Variants in TAF1C observed in about 807,000 individuals in gnomAD.
TAF1C encodes TATA box-binding protein-associated factor RNA polymerase I subunit C.
In TAF1C, 79 loss-of-function variants were observed where a neutral mutation model predicts 70.5. That is an observed-to-expected ratio of 1.12 (90% confidence interval 0.93 to 1.35). TAF1C has a LOEUF of 1.35. TAF1C is among the 40% of genes most tolerant of loss of function. The pLI is 0.00. For synonymous variants in TAF1C, 614 were observed against 491.1 expected (o/e 1.25, Z -3.31); for missense variants, 1,412 against 1,127.8 (o/e 1.25, Z -3.61).
chr16:84,180,810 C>G (rs753771522), intron 12 of TAF1C: 28 of 1,368,270 alleles, frequency 2.0e-5, no homozygotes, highest in Middle Eastern at 2.7e-4. Context: ...CTGCTCCACC[C>G]CTGGCTGCAC....
At chr16:84,181,563 G>A in intron 10 of TAF1C, 29 bp downstream of exon 10, 1 of 1,613,960 alleles carries the variant, frequency 6.2e-7, no homozygotes, top group Non-Finnish European at 8.5e-7. Context: ...GTTCGTTAGG[G>A]TGGGGGGTTT....
rs567616693 is a variant in TAF1C at position 84,182,790 on chromosome 16, G to A, written c.482+286C>T. On this transcript the variant is annotated intron_variant, in intron 6 of 14. Coordinates refer to ENST00000566732, the MANE Select transcript of TAF1C (RefSeq NM_001243156.2). This position sits in a 1 kb window ranked among gnomAD's most constrained non-coding sequence, Gnocchi z 5.0. ...GCTACCTAGAGACAGCCTGTCTAGG[G>A]AACTGTGCAGGGAGAGGCAAGTGGA... 1.3e-5 allele frequency among the ~76,000 whole-genome samples: 2 copies of A among 152,336 alleles called. No individual in the cohort carries two copies. The highest frequency in any genetic ancestry group is 4.8e-5 in the African/African-American group (2 of 41,574).
rs4150145 is a variant in TAF1C, at chr16:84,181,869, G to A, written c.839-6C>T. 3.3e-3 allele frequency: 5,393 copies of A among 1,614,202 alleles called. 13 individuals carry two copies. Among genetic ancestry groups the A allele is most frequent in the Middle Eastern group, 4.1e-3 (25 of 6,062 alleles). On this transcript the variant is annotated splice_polypyrimidine_tract_variant and splice_region_variant and intron_variant, in intron 8 of 14. Coordinates refer to ENST00000566732, the MANE Select transcript of TAF1C (RefSeq NM_001243156.2). ...AGAGCGGACGGCCAGCAGAGCTGAG[G>A]AGGGATGGAAAGGGCCAGGGGTCAG...
rs186382482 is a variant in TAF1C, at chr16:84,179,928, C to T, written c.1621+18G>A. On this transcript the variant is annotated intron_variant, in intron 14 of 14. Coordinates refer to ENST00000566732, the MANE Select transcript of TAF1C (RefSeq NM_001243156.2). ...TTTTCCACTGCGCCCCCCAAGCTCACTCCCCCACCCAGCACACCTATGGTC... is the reference window on the plus strand; with the variant it reads ...TTTTCCACTGCGCCCCCCAAGCTCATTCCCCCACCCAGCACACCTATGGTC... The T allele has an allele frequency of 4.7e-3, 7,445 of 1,595,650 alleles. 42 individuals carry two copies. Among genetic ancestry groups the T allele is most frequent in the South Asian group, 0.014 (1,299 of 90,532 alleles).
Position 84,178,994 on chromosome 16 carries a change from G to A in TAF1C, c.2479C>T (p.Pro827Ser). 6.2e-7 allele frequency: 1 copy of A among 1,610,866 alleles called. No homozygotes were observed. The highest frequency in any genetic ancestry group is 8.5e-7 in the Non-Finnish European group (1 of 1,179,962). ...AGGGGCTGAGAGCTAGAGAGGACGG[G>A]TGTGTGCTGCTGGGAGCGAGTGGCC... is the stretch of plus-strand genomic sequence containing the variant. ...VRATRSQQHT[P>S]VLSSSQPLRK... Residue 827 changes from proline to serine, a missense_variant, in exon 15 of 15, where the codon CCC becomes TCC. Transcript: ENST00000566732.
Position 84,177,987 on chromosome 16 carries a change from ACCTG to A in TAF1C, c.*950_*953del. 4.1e-6 allele frequency: 3 copies of A among 734,252 alleles called. No individual in the cohort carries two copies. Among genetic ancestry groups the A allele is most frequent in the Admixed American group, 2.0e-5 (1 of 49,084 alleles). The allele number at this position is 734,252 out of a possible 1,614,324, so 45.5% of individuals were successfully genotyped here. Reference sequence around the variant, plus strand: ...CACATGCAATTCCTTTCACCAGCCAACCTGAAAAAAGACCTTTCTCTTACTATGT... The same window carrying A: ...CACATGCAATTCCTTTCACCAGCCAAAAAAAAGACCTTTCTCTTACTATGT... On this transcript the variant is annotated 3_prime_UTR_variant, in exon 15 of 15. Transcript: ENST00000566732.
chr16:84,182,080 A>C lies in TAF1C; in HGVS notation c.722-22T>G. On this transcript the variant is annotated intron_variant, in intron 7 of 14. Coordinates refer to ENST00000566732, the MANE Select transcript of TAF1C (RefSeq NM_001243156.2). This position sits in a 1 kb window ranked among gnomAD's most constrained non-coding sequence, Gnocchi z 5.0. The stretch of plus-strand genomic sequence containing the variant: ...AAATCTGGGCCTCTCACTAAGGATC[A>C]GTGCACGAGCTATGATCACTGCAAG... 6.2e-7 allele frequency: 1 copy of C among 1,610,220 alleles called. No individual in the cohort carries two copies. Among genetic ancestry groups the C allele is most frequent in the Non-Finnish European group, 8.5e-7 (1 of 1,178,080 alleles).
Position 84,181,800 on chromosome 16 carries a change from G to A in TAF1C, c.902C>T (p.Pro301Leu), listed in dbSNP as rs763199457. Residue 301 changes from proline to leucine, a missense_variant, in exon 9 of 15, where the codon CCA becomes CTA. Transcript: ENST00000566732. The stretch of plus-strand genomic sequence containing the variant: ...CACCTGCATTGCCTGCAGAAGGGTT[G>A]GCTGCCACTGTTTACCAAACTTCCA... ...AVWKFGKQWQ[P>L]TLLQAMQVEK... is the part of the protein sequence containing the mutation. 1.6e-5 allele frequency: 26 copies of A among 1,614,034 alleles called. No homozygotes were observed. The highest frequency in any genetic ancestry group is 2.0e-5 in the Non-Finnish European group (24 of 1,180,026).
chr16:84,184,888 G>GCGTCT lies in TAF1C; in HGVS notation c.96_100dup (p.Ala34GlufsTer4), dbSNP rs1455837694. The GCGTCT allele has an allele frequency of 6.2e-7, 1 of 1,611,516 alleles. No individual in the cohort carries two copies. The highest frequency in any genetic ancestry group is 1.7e-5 in the Admixed American group (1 of 59,676). ...GGGCTGGGCCTCTGGCAGAGTCAGT[G>GCGTCT]CGTCTCGCCAGCTGCACATGAAAGA... On this transcript the variant is annotated frameshift_variant, in exon 2 of 15. Transcript: ENST00000566732. LOFTEE classifies it high-confidence loss of function.
intron 3 of TAF1C, 26 bp downstream of exon 3, chr16:84,183,671 T>G (rs1397509833): frequency 6.2e-7 from 1 of 1,600,216 alleles, no homozygotes; most frequent in Non-Finnish European, 8.5e-7. Context: ...CAGTGTGGAG[T>G]GAGCCCGGGG....
Position 84,182,190 on chromosome 16 carries a change from A to G in TAF1C, c.721+12T>C. ...AGCCCGCTGGAATCTCCTGTCTCGC[A>G]AGAAAGGATACGCAGCCTGTCCTGG... On this transcript the variant is annotated intron_variant, in intron 7 of 14. Coordinates refer to ENST00000566732, the MANE Select transcript of TAF1C (RefSeq NM_001243156.2). The surrounding 1 kb of genome is among the most constrained non-coding windows in gnomAD (Gnocchi z 5.0). The G allele has an allele frequency of 6.2e-7, 1 of 1,601,922 alleles. No homozygotes were observed. Among genetic ancestry groups the G allele is most frequent in the South Asian group, 1.1e-5 (1 of 90,478 alleles).
chr16:84,179,910 C>T (rs372288005), intron 14 of TAF1C, 36 bp downstream of exon 14: 137 of 1,606,076 alleles, frequency 8.5e-5, no homozygotes, highest in Non-Finnish European at 1.1e-4. Context: ...ATGTTTTCCA[C>T]TGCGCCCCCC....
Position 84,182,477 on chromosome 16 carries a change from G to A in TAF1C, c.483-37C>T, listed in dbSNP as rs368351777. ...AGAACAGCAGGAGGATCACTCGGTG[G>A]CACTCAGGGGAGGACAGGTCCCATC... is the stretch of plus-strand genomic sequence containing the variant. On this transcript the variant is annotated intron_variant, in intron 6 of 14. Coordinates refer to ENST00000566732, the MANE Select transcript of TAF1C (RefSeq NM_001243156.2). The surrounding 1 kb of genome is among the most constrained non-coding windows in gnomAD (Gnocchi z 5.0). 12 of 1,565,434 alleles carry A rather than the reference G, an allele frequency of 7.7e-6. No homozygotes were observed. The highest frequency in any genetic ancestry group is 2.3e-5 in the East Asian group (1 of 43,946).
chr16:84,184,557 G>A (rs554696780), intron 2 of TAF1C, among the ~76,000 whole-genome samples: 6 of 152,324 alleles, frequency 3.9e-5, no homozygotes, highest in Admixed American at 6.5e-5. Flanking sequence ...ATTGGATAAA[G>A]TTCACTTGTT....
Position 84,177,967 on chromosome 16 carries a change from G to C in TAF1C, c.*974C>G. 2.4e-6 allele frequency: 2 copies of C among 823,124 alleles called. No homozygotes were observed. The highest frequency in any genetic ancestry group is 4.1e-6 in the Non-Finnish European group (2 of 491,956). The allele number at this position is 823,124 out of a possible 1,614,324, so 51.0% of individuals were successfully genotyped here. A position where few individuals can be genotyped will look rare whatever the true frequency, so the allele number is the denominator to read the frequency against. On this transcript the variant is annotated 3_prime_UTR_variant, in exon 15 of 15. Transcript: ENST00000566732. ...TAGCTCCTGTTTGTGTGAGTCACATGCAATTCCTTTCACCAGCCAACCTGA... is the reference window on the plus strand; with the variant it reads ...TAGCTCCTGTTTGTGTGAGTCACATCCAATTCCTTTCACCAGCCAACCTGA...
intron 6 of TAF1C, 60 bp downstream of exon 6, chr16:84,183,016 T>G (rs1567596182): frequency 6.4e-7 from 1 of 1,573,810 alleles, no homozygotes; most frequent in African/African-American, 1.3e-5. Flanking sequence ...TCCTAGCACC[T>G]CCTACATCCC....
intron 1 of TAF1C, chr16:84,185,419 T>C (rs185813150): frequency 2.6e-5 from 4 of 155,288 alleles, no homozygotes; most frequent in African/African-American, 7.3e-5. Flanking sequence ...GCGGTGGAGA[T>C]GGAGTCAGAA....
At chr16:84,186,620 G>A (rs1423535394) in intron 1 of TAF1C, among the ~76,000 whole-genome samples, 1 of 152,190 alleles carries the variant, frequency 6.6e-6, no homozygotes, top group East Asian at 1.9e-4. Flanking sequence ...CTAGACAGGC[G>A]GAGGGCGCTG....
In TAF1C at chr16:84,178,239, G is replaced by C. The variant is rs1283207608; in HGVS notation, c.*702C>G. 1 of 429,066 alleles carries C rather than the reference G, an allele frequency of 2.3e-6. No homozygotes were observed. Among genetic ancestry groups the C allele is most frequent in the Admixed American group, 2.4e-5 (1 of 40,978 alleles). The allele number at this position is 429,066 out of a possible 1,614,324, so 26.6% of individuals were successfully genotyped here. ...CATGACCGTGACCCTCTGCTCAGAG[G>C]GCACTATCGACAGCCCACAGGTGCC... is the stretch of plus-strand genomic sequence containing the variant. On this transcript the variant is annotated 3_prime_UTR_variant, in exon 15 of 15. Coordinates refer to ENST00000566732, the MANE Select transcript of TAF1C (RefSeq NM_001243156.2).
Sources: gnomAD v4.1 joint callset for allele counts (sites outside exome capture counted in the v4.1 genomes callset) on GRCh38, gnomAD v4.1.1 for gene constraint, Gnocchi (gnomAD v3.1) non-coding constraint, MANE v1.5 for transcripts, NCBI Gene and HGNC (gene_info 2026-07-23, HGNC 2026-07-21) for gene names.